PRKCA: variants seen among roughly 807,000 people sequenced by gnomAD.
PRKCA encodes protein kinase C alpha, also known as protein kinase C alpha type.
In PRKCA, 27 loss-of-function variants were observed where a neutral mutation model predicts 87.0. That is an observed-to-expected ratio of 0.31 (90% CI 0.23 to 0.43). PRKCA has a LOEUF of 0.43. PRKCA is among the 20% of genes least tolerant of loss of function. PRKCA has a pLI of 1.00. For synonymous variants in PRKCA, 329 were observed against 311.1 expected (o/e 1.06, Z -0.61); for missense variants, 518 against 852.3 (o/e 0.61, Z 4.88).
chr17:66,646,848 A>G (rs933570767), intron 5 of PRKCA, among the ~76,000 whole-genome samples: 3 of 152,218 alleles, frequency 2.0e-5, no homozygotes, highest in African/African-American at 7.2e-5. Context: ...CCTTGAAACC[A>G]GCTATAGCTG....
At chr17:66,643,129 A>G (rs1044539040) in intron 4 of PRKCA, among the ~76,000 whole-genome samples, 1 of 152,234 alleles carries the variant, frequency 6.6e-6, no homozygotes, top group African/African-American at 2.4e-5. Context: ...ACTTAAGTGC[A>G]TATGTAAATA....
chr17:66,552,852 T>G (rs1968382455), intron 3 of PRKCA, among the ~76,000 whole-genome samples: 2 of 152,202 alleles, frequency 1.3e-5, no homozygotes, highest in Admixed American at 6.5e-5. Flanking sequence ...CCTCCCGCCA[T>G]GTATGATGAA....
chr17:66,800,158 G>C (rs1326047149), intron 16 of PRKCA, among the ~76,000 whole-genome samples: 3 of 152,204 alleles, frequency 2.0e-5, no homozygotes, highest in Non-Finnish European at 4.4e-5. Context: ...CTCCACCGAA[G>C]TGAACCAATT....
chr17:66,761,672 C>T (rs1379756388), intron 13 of PRKCA, among the ~76,000 whole-genome samples: 2 of 152,012 alleles, frequency 1.3e-5, no homozygotes, highest in Non-Finnish European at 1.5e-5. Context: ...AATCTGCCCA[C>T]CTCGGCCTCC....
Position 66,546,119 on chromosome 17 carries a change from C to T in PRKCA, c.288+49836C>T, listed in dbSNP as rs57963519. Among the ~76,000 whole-genome samples, 1,457 of 152,228 alleles carry T rather than the reference C, an allele frequency of 9.6e-3. 27 individuals carry two copies. Among genetic ancestry groups the T allele is most frequent in the African/African-American group, 0.033 (1,356 of 41,528 alleles). On this transcript the variant is annotated intron_variant, in intron 3 of 16. Coordinates refer to ENST00000413366, the MANE Select transcript of PRKCA (RefSeq NM_002737.3). ...TTTTATCTGCTGTGACAATCTTTGC[C>T]ATTTAATTGCAGTCTTTACACCATT...
intron 2 of PRKCA, among the ~76,000 whole-genome samples, chr17:66,404,388 G>C (rs1911225474): frequency 6.6e-6 from 1 of 152,180 alleles, no homozygotes; most frequent in Non-Finnish European, 1.5e-5. Context: ...GGGCGGCGGA[G>C]GGGAAAGCTT....
At chr17:66,333,140 A>G (rs1906453644) in intron 2 of PRKCA, among the ~76,000 whole-genome samples, 2 of 152,246 alleles carry the variant, frequency 1.3e-5, no homozygotes, top group African/African-American at 2.4e-5. Context: ...TCTGCCATAC[A>G]TGGAAATAGC....
At chr17:66,774,651 C>T (rs2144338416) in intron 14 of PRKCA, 2 of 987,046 alleles carry the variant, frequency 2.0e-6, no homozygotes, top group African/African-American at 3.5e-5. Context: ...TTGATGACAG[C>T]AGTGGCCTCT....
intron 2 of PRKCA, among the ~76,000 whole-genome samples, chr17:66,425,110 T>TGAACATTCAA (rs1912725780): frequency 6.6e-6 from 1 of 152,208 alleles, no homozygotes; most frequent in African/African-American, 2.4e-5. Flanking sequence ...GGCTCATATT[T>TGAACATTCAA]GAACATTCAA....
intron 13 of PRKCA, among the ~76,000 whole-genome samples, chr17:66,768,259 T>TG (rs1974853609): frequency 4.4e-5 from 6 of 136,794 alleles, no homozygotes; most frequent in East Asian, 2.7e-4. Context: ...TTTTTTTTTT[T>TG]TTGGGGGGGA....
chr17:66,488,345 G>T (rs948390788), intron 2 of PRKCA, among the ~76,000 whole-genome samples: 2 of 152,268 alleles, frequency 1.3e-5, no homozygotes, highest in East Asian at 3.9e-4. Flanking sequence ...TTAATGGTTC[G>T]TGTGACTGAA....
At chr17:66,628,534 A>C (rs181141567) in intron 3 of PRKCA, among the ~76,000 whole-genome samples, 1 of 152,162 alleles carries the variant, frequency 6.6e-6, no homozygotes, top group African/African-American at 2.4e-5. Context: ...AAATCCACCA[A>C]AATGTTAATG....
At chr17:66,634,942 G>A (rs1305934813) in intron 3 of PRKCA, among the ~76,000 whole-genome samples, 1 of 152,168 alleles carries the variant, frequency 6.6e-6, no homozygotes, top group Non-Finnish European at 1.5e-5. Context: ...ATTATCATAA[G>A]TGGCAGAATA....
chr17:66,453,481 C>A (rs1454729363), intron 2 of PRKCA, among the ~76,000 whole-genome samples: 1 of 152,012 alleles, frequency 6.6e-6, no homozygotes, highest in Non-Finnish European at 1.5e-5. Flanking sequence ...CCATGCCCAG[C>A]TAATTTTTTG....
At chr17:66,755,221 G>T (rs570060992) in intron 13 of PRKCA, among the ~76,000 whole-genome samples, 1 of 152,154 alleles carries the variant, frequency 6.6e-6, no homozygotes, top group Non-Finnish European at 1.5e-5. Context: ...TCTGAGGATC[G>T]CAGAAAATCG....
At chr17:66,368,566 T>G (rs1488089752) in intron 2 of PRKCA, among the ~76,000 whole-genome samples, 1 of 150,774 alleles carries the variant, frequency 6.6e-6, no homozygotes, top group Non-Finnish European at 1.5e-5. Context: ...AATTTTTGTA[T>G]TTTTTTGTAG....
chr17:66,802,043 A>C lies in PRKCA; in HGVS notation c.1855-1830A>C, dbSNP rs191231917. Among the ~76,000 whole-genome samples, 6 of 152,274 alleles carry C rather than the reference A, an allele frequency of 3.9e-5. No individual in the cohort carries two copies. In the East Asian group the frequency reaches 1.2e-3, roughly 29 times the overall value. ...CGAGACCAGCCTGAGCAACATGGTG[A>C]AACCCTGTCAATACAAAAAATGCAA... On this transcript the variant is annotated intron_variant, in intron 16 of 16. Transcript: ENST00000413366.
intron 2 of PRKCA, chr17:66,416,192 A>T (rs185729495): frequency 2.4e-4 from 36 of 152,308 alleles, no homozygotes; most frequent in African/African-American, 8.4e-4. Context: ...TGGCTGATAG[A>T]CTAGCTGCTG....
chr17:66,781,728 G>A (rs577967557), intron 14 of PRKCA, among the ~76,000 whole-genome samples: 7 of 152,188 alleles, frequency 4.6e-5, no homozygotes, highest in African/African-American at 1.7e-4. Context: ...TGTGAGTGGA[G>A]TTTCAGTTGG....
Sources: gnomAD v4.1 joint callset for allele counts (sites outside exome capture counted in the v4.1 genomes callset) on GRCh38, gnomAD v4.1.1 for gene constraint, MANE v1.5 for transcripts, NCBI Gene and HGNC (gene_info 2026-07-23, HGNC 2026-07-21) for gene names.